Variants in FADS6 observed in about 807,000 individuals in gnomAD.
FADS6 encodes fatty acid desaturase 6.
A neutral mutation model predicts 31.7 loss-of-function variants in FADS6; 28 were observed. The observed-to-expected ratio is 0.88, with a 90% CI of 0.66 to 1.21. The LOEUF (loss-of-function observed/expected upper bound fraction) is 1.21. Ranked by LOEUF, FADS6 falls within the 50% of genes most tolerant of loss-of-function variation. The probability of loss-of-function intolerance (pLI) is 0.00; values close to 1 mark genes in which losing one functional copy is unlikely to be tolerated. For synonymous variants in FADS6, 191 were observed against 213.1 expected (o/e 0.90, Z 0.90); for missense variants, 494 against 504.2 (o/e 0.98, Z 0.19).
chr17:74,881,908 G>A (rs144501828), intron 3 of FADS6, among the ~76,000 whole-genome samples: 342 of 151,914 alleles, frequency 2.3e-3, no homozygotes, highest in Middle Eastern at 0.017. Context: ...CTGATAACAT[G>A]AAGTATTATT....
chr17:74,881,435 A>G (rs1377599703), intron 3 of FADS6, among the ~76,000 whole-genome samples, 180 bp from the exon 4 acceptor site: 1 of 152,202 alleles, frequency 6.6e-6, no homozygotes, highest in African/African-American at 2.4e-5. Context: ...CGATGGCTCA[A>G]GCCTATAAAC....
chr17:74,878,259 C>T lies in FADS6; in HGVS notation c.*72G>A. ...ACCACCAGCCACTGAGCCACACCCC[C>T]TGGACCAGCAGCAGCAGGAGGGCCA... On this transcript the variant is annotated 3_prime_UTR_variant, in exon 6 of 6. Coordinates refer to ENST00000612771, the MANE Select transcript of FADS6 (RefSeq NM_178128.6). The T allele has an allele frequency of 2.0e-6, 3 of 1,522,056 alleles. No homozygotes were observed. In the Admixed American group the frequency reaches 6.2e-5, roughly 31 times the overall value. 94.3% of individuals were successfully genotyped at this position (1,522,056 alleles called of 1,614,324 possible). A position where few individuals can be genotyped will look rare whatever the true frequency, so the allele number is the denominator to read the frequency against.
intron 5 of FADS6, chr17:74,879,136 C>T: frequency 2.5e-6 from 1 of 399,392 alleles, no homozygotes; most frequent in East Asian, 5.8e-5. Flanking sequence ...CCTCTGCAGA[C>T]TCAGGTGGTC....
intron 4 of FADS6, 82 bp from the exon 5 acceptor site, chr17:74,879,665 G>T: frequency 6.9e-7 from 1 of 1,443,832 alleles, no homozygotes; most frequent in African/African-American, 1.4e-5. Flanking sequence ...ATGCTACCCA[G>T]AGGGTTCTTG....
chr17:74,888,148 ACACACACGCGCG>A (rs1344141189), intron 2 of FADS6, among the ~76,000 whole-genome samples: 39 of 122,834 alleles, frequency 3.2e-4, no homozygotes, highest in African/African-American at 1.5e-3. Context: ...ACACACACAC[ACACACACGCGCG>A]CGCGCGCGCG....
At chr17:74,876,411 C>T (rs1036667581), downstream of FADS6, among the ~76,000 whole-genome samples, 8 of 152,146 alleles carry the variant, frequency 5.3e-5, no homozygotes, top group Non-Finnish European at 1.2e-4. Flanking sequence ...ACAACTTGAG[C>T]TCCCAGCATC....
In FADS6 at chr17:74,891,328, G is replaced by A. The variant is rs542151399; in HGVS notation, c.411+1195C>T. ...GCTGGGATTACAGGTGTGAGCCACC[G>A]CGCGCAGCCTCAGTACAGCTTTTTT... On this transcript the variant is annotated intron_variant, in intron 2 of 5. Coordinates refer to ENST00000612771, the MANE Select transcript of FADS6 (RefSeq NM_178128.6). 2.7e-3 allele frequency among the ~76,000 whole-genome samples: 409 copies of A among 151,980 alleles called. 3 individuals carry two copies. Among genetic ancestry groups the A allele is most frequent in the South Asian group, 0.026 (126 of 4,812 alleles).
At chr17:74,886,382 C>T (rs1467886611) in intron 2 of FADS6, among the ~76,000 whole-genome samples, 1 of 148,756 alleles carries the variant, frequency 6.7e-6, no homozygotes, top group East Asian at 2.0e-4. Context: ...ATCACTGAAA[C>T]CCACGAGGTG....
chr17:74,880,293 C>A (rs891753552), intron 4 of FADS6, among the ~76,000 whole-genome samples: 1 of 152,142 alleles, frequency 6.6e-6, no homozygotes, highest in Non-Finnish European at 1.5e-5. Flanking sequence ...TACTGCTTGG[C>A]ATCCGCGCAT....
chr17:74,893,216 C>T (rs2038711396), intron 1 of FADS6, 136 bp downstream of exon 1: 4 of 1,034,478 alleles, frequency 3.9e-6, no homozygotes, highest in South Asian at 1.8e-5. Flanking sequence ...CGACCACCTC[C>T]GCCTCCCTGC....
Position 74,878,313 on chromosome 17 carries a change from T to C in FADS6, c.*18A>G, listed in dbSNP as rs1435321624. The C allele has an allele frequency of 1.2e-5, 19 of 1,606,864 alleles. No homozygotes were observed. Among genetic ancestry groups the C allele is most frequent in the Non-Finnish European group, 1.6e-5 (19 of 1,176,624 alleles). ...CCAGGCCAGGGAGGGGCAGGGTGGC[T>C]GCACCGGCCCGGCCTCATTACAGCC... On this transcript the variant is annotated 3_prime_UTR_variant, in exon 6 of 6. Coordinates refer to ENST00000612771, the MANE Select transcript of FADS6 (RefSeq NM_178128.6).
At chr17:74,880,338 T>C (rs1567924883) in intron 4 of FADS6, among the ~76,000 whole-genome samples, 4 of 152,062 alleles carry the variant, frequency 2.6e-5, no homozygotes, top group Admixed American at 1.3e-4. Flanking sequence ...GAGGAGAAGC[T>C]CACTTCATTA....
chr17:74,874,814 G>A (rs1163748567), downstream of FADS6, among the ~76,000 whole-genome samples: 3 of 152,182 alleles, frequency 2.0e-5, no homozygotes, highest in Non-Finnish European at 4.4e-5. Flanking sequence ...TTTATTGGAA[G>A]ACATCCATGC....
chr17:74,883,266 C>T (rs1163903167), intron 2 of FADS6, among the ~76,000 whole-genome samples: 1 of 152,056 alleles, frequency 6.6e-6, no homozygotes, highest in Non-Finnish European at 1.5e-5. Flanking sequence ...CAGTATGGAT[C>T]CCCAGTGGGA....
intron 2 of FADS6, among the ~76,000 whole-genome samples, chr17:74,890,027 T>C (rs2038671778): frequency 6.6e-6 from 1 of 152,180 alleles, no homozygotes; most frequent in South Asian, 2.1e-4. Context: ...TTTCATTTTA[T>C]CCACATGCTG....
At chr17:74,876,783 C>T (rs1045842211), downstream of FADS6, among the ~76,000 whole-genome samples, 2 of 151,850 alleles carry the variant, frequency 1.3e-5, no homozygotes, top group East Asian at 1.9e-4. Context: ...GGCGACAGAG[C>T]GAGACTCCAT....
Position 74,882,701 on chromosome 17 carries a change from C to T in FADS6, c.421G>A (p.Ala141Thr). ...WLLFFVEVCTAFTAEHATHGH... is the reference protein window; with the variant it reads ...WLLFFVEVCTTFTAEHATHGH... ...TGCGTGGCGTGCTCTGCAGTGAAGG[C>T]TGTGCACACCTAGAGGAGGGAACCA... The change falls in exon 3 of 6, where the codon GCC (alanine) becomes ACC (threonine). Residue 141 changes from alanine (A) to threonine (T), a missense_variant. Transcript: ENST00000612771. 1 of 1,609,018 alleles carries T rather than the reference C, an allele frequency of 6.2e-7. No individual in the cohort carries two copies.
At chr17:74,880,956 C>T (rs2038560886) in intron 4 of FADS6, 112 bp downstream of exon 4, 3 of 1,106,684 alleles carry the variant, frequency 2.7e-6, no homozygotes, top group African/African-American at 1.6e-5. Context: ...AGGGAGGATG[C>T]CTCATCCTTC....
chr17:74,881,107 G>A lies in FADS6; in HGVS notation c.741C>T (p.Ser247=). Residue 247 remains serine (S), a synonymous_variant, in exon 4 of 6, where the codon TCC becomes TCT. Coordinates refer to ENST00000612771, the MANE Select transcript of FADS6 (RefSeq NM_178128.6). ...SALGCMFLTR[S]LLAHPYLHVN... is the part of the protein sequence containing the mutation. ...CGTGGAGGTAGGGGTGGGCCAACAGGGATCTGGTGAGGAACATGCAGCCCA... is the reference window on the plus strand; with the variant it reads ...CGTGGAGGTAGGGGTGGGCCAACAGAGATCTGGTGAGGAACATGCAGCCCA... 1 of 1,613,720 alleles carries A rather than the reference G, an allele frequency of 6.2e-7. No individual in the cohort carries two copies. Among genetic ancestry groups the A allele is most frequent in the Non-Finnish European group, 8.5e-7 (1 of 1,179,796 alleles).
Sources: allele counts gnomAD v4.1 joint callset (sites outside exome capture counted in the v4.1 genomes callset), GRCh38; gene constraint gnomAD v4.1.1; transcripts MANE v1.5; gene names NCBI Gene and HGNC (gene_info 2026-07-23, HGNC 2026-07-21).